The following RBFOX1 variants were observed in gnomAD, a reference collection of about 807,000 sequenced individuals.
The protein encoded by RBFOX1 is RNA binding protein fox-1 homolog 1.
RBFOX1 carries 8 observed loss-of-function variants against 57.7 expected under a neutral mutation model. The observed-to-expected ratio is 0.14, with a 90% CI of 0.08 to 0.25. The LOEUF is 0.25. RBFOX1 is among the 10% of genes least tolerant of loss of function. The probability of loss-of-function intolerance (pLI) is 1.00; values close to 1 mark genes in which losing one functional copy is unlikely to be tolerated. For synonymous variants in RBFOX1, 326 were observed against 222.4 expected (o/e 1.47, Z -4.15); for missense variants, 611 against 548.5 (o/e 1.11, Z -1.14).
chr16:7,213,369 T>C (rs1412936685), intron 4 of RBFOX1, among the ~76,000 whole-genome samples: 5 of 152,144 alleles, frequency 3.3e-5, no homozygotes, highest in Non-Finnish European at 5.9e-5. Flanking sequence ...GACTCAGTGA[T>C]CAGTATTTCT....
intron 6 of RBFOX1, 35 bp downstream of exon 6, chr16:7,579,955 C>T (rs199648998): frequency 5.0e-5 from 80 of 1,608,390 alleles, no homozygotes; most frequent in Non-Finnish European, 6.6e-5. Context: ...AGTGCCCGCT[C>T]TGGGGGTTCC....
intron 4 of RBFOX1, among the ~76,000 whole-genome samples, chr16:7,072,004 C>T (rs186013492): frequency 1.3e-5 from 2 of 152,288 alleles, no homozygotes; most frequent in African/African-American, 4.8e-5. Flanking sequence ...TCAAAATTCA[C>T]TCTCGCAAAC....
intron 4 of RBFOX1, among the ~76,000 whole-genome samples, chr16:7,067,014 T>G (rs1030307298): frequency 6.6e-6 from 1 of 152,166 alleles, no homozygotes; most frequent in Admixed American, 6.5e-5. Flanking sequence ...CAGTAACAGA[T>G]TATGCACACA....
At chr16:6,082,332 C>G (rs1416347091) in intron 1 of RBFOX1, among the ~76,000 whole-genome samples, 1 of 142,728 alleles carries the variant, frequency 7.0e-6, no homozygotes, top group Non-Finnish European at 1.5e-5. Context: ...ATGTGCCTGT[C>G]ACCACACCTG....
intron 2 of RBFOX1, among the ~76,000 whole-genome samples, chr16:6,464,503 A>G: frequency 6.6e-6 from 1 of 152,232 alleles, no homozygotes. Flanking sequence ...TCTAATGCAT[A>G]CTAGTAGTGA....
At chr16:6,668,425 C>A (rs565126871) in intron 3 of RBFOX1, among the ~76,000 whole-genome samples, 74 of 152,240 alleles carry the variant, frequency 4.9e-4, no homozygotes, top group African/African-American at 1.7e-3. Context: ...GTGTTTCAGC[C>A]CAAAGATGCT....
At chr16:7,688,382 C>G (rs909174769) in intron 14 of RBFOX1, among the ~76,000 whole-genome samples, 2 of 151,684 alleles carry the variant, frequency 1.3e-5, no homozygotes, top group Non-Finnish European at 2.9e-5. Flanking sequence ...AATTAAGAAG[C>G]CAAATAATGA....
At chr16:5,888,334 G>C (rs1213729764) in intron 4 of RBFOX1, among the ~76,000 whole-genome samples, 1 of 151,964 alleles carries the variant, frequency 6.6e-6, no homozygotes, top group Non-Finnish European at 1.5e-5. Flanking sequence ...ATTCTACAAA[G>C]CTTTTTTTCT....
chr16:6,550,183 G>C (rs953459992), intron 2 of RBFOX1, among the ~76,000 whole-genome samples: 1 of 151,690 alleles, frequency 6.6e-6, no homozygotes, highest in Non-Finnish European at 1.5e-5. Context: ...CTTCTTTTTT[G>C]GGGGTTGGCG....
intron 4 of RBFOX1, among the ~76,000 whole-genome samples, chr16:7,513,079 C>CAT (rs35805483): frequency 0.93 from 141,186 of 151,878 alleles, 66,020 homozygotes; most frequent in Non-Finnish European, 0.99. Flanking sequence ...GCCTGGCCAA[C>CAT]AGTAAAACGC....
intron 3 of RBFOX1, among the ~76,000 whole-genome samples, chr16:5,792,267 C>T (rs922972359): frequency 6.6e-6 from 1 of 152,110 alleles, no homozygotes; most frequent in East Asian, 1.9e-4. Flanking sequence ...TGTTCCAGCC[C>T]TCTGTAATCC....
In RBFOX1 at chr16:7,258,496, G is replaced by A. The variant is rs529781426; in HGVS notation, c.27+206398G>A. 4.6e-5 allele frequency among the ~76,000 whole-genome samples: 7 copies of A among 152,072 alleles called. No homozygotes were observed. In the East Asian group the frequency reaches 7.7e-4, roughly 17 times the overall value. The stretch of plus-strand genomic sequence containing the variant: ...CTCTCTCTCTGTCAAGGGGGGAGGC[G>A]AATTACTGCAAGTAGATTATGAAAT... On this transcript the variant is annotated intron_variant, in intron 4 of 15. Transcript: ENST00000550418.
At chr16:7,394,158 C>G (rs1358073625) in intron 4 of RBFOX1, among the ~76,000 whole-genome samples, 1 of 139,318 alleles carries the variant, frequency 7.2e-6, no homozygotes, top group Non-Finnish European at 1.5e-5. Context: ...ATTGCTTGAA[C>G]CCAGGAGGCA....
intron 2 of RBFOX1, among the ~76,000 whole-genome samples, chr16:5,474,556 A>T (rs902476757): frequency 6.6e-6 from 1 of 152,050 alleles, no homozygotes; most frequent in African/African-American, 2.4e-5. Flanking sequence ...TGGGAGGCTG[A>T]GGCAGGAGAA....
At chr16:6,607,493 CCT>C (rs1274063663) in intron 2 of RBFOX1, among the ~76,000 whole-genome samples, 1 of 141,660 alleles carries the variant, frequency 7.1e-6, no homozygotes, top group Non-Finnish European at 1.5e-5. Flanking sequence ...ACTCTTTCTT[CCT>C]CTCTCTCCCC....
intron 4 of RBFOX1, among the ~76,000 whole-genome samples, chr16:7,403,462 C>A (rs1399432258): frequency 1.3e-5 from 2 of 151,984 alleles, no homozygotes; most frequent in Non-Finnish European, 2.9e-5. Context: ...TTAGATCCTG[C>A]ATGTAAGTGA....
intron 3 of RBFOX1, among the ~76,000 whole-genome samples, chr16:6,755,942 C>G (rs11647704): frequency 0.26 from 38,955 of 152,034 alleles, 5,371 homozygotes; most frequent in Non-Finnish European, 0.31. Context: ...GTGTTAAGAC[C>G]GAAAGGGACC....
chr16:6,943,193 A>C (rs969953517), intron 3 of RBFOX1, among the ~76,000 whole-genome samples: 1 of 152,214 alleles, frequency 6.6e-6, no homozygotes, highest in East Asian at 1.9e-4. Flanking sequence ...AGCTTGGCCA[A>C]ATGGGAACTG....
intron 2 of RBFOX1, among the ~76,000 whole-genome samples, chr16:6,647,045 A>G (rs548093367): frequency 7.9e-5 from 12 of 152,206 alleles, no homozygotes; most frequent in Admixed American, 7.2e-4. Context: ...ACTTTGTCAT[A>G]GTTCTTGTGT....
Sources: gnomAD v4.1 joint callset for allele counts (sites outside exome capture counted in the v4.1 genomes callset) on GRCh38, gnomAD v4.1.1 for gene constraint, MANE v1.5 for transcripts, NCBI Gene and HGNC (gene_info 2026-07-23, HGNC 2026-07-21) for gene names.